Variants in SLC12A8 observed in about 807,000 individuals in gnomAD.
SLC12A8 encodes cation-chloride cotransporter 9.
A neutral mutation model predicts 75.6 loss-of-function variants in SLC12A8; 69 were observed. The ratio of observed to expected loss-of-function variants is 0.91; its 90% CI spans 0.75 to 1.11. SLC12A8 has a LOEUF of 1.11. Among genes scored for constraint, SLC12A8 ranks in the 50% most tolerant of loss-of-function variants. The pLI is 0.00. For missense variants in SLC12A8, 877 were observed against 896.7 expected (o/e 0.98, Z 0.28); for synonymous variants, 365 against 372.8 (o/e 0.98, Z 0.24).
At chr3:125,161,800 T>C (rs962436608) in intron 5 of SLC12A8, among the ~76,000 whole-genome samples, 7 of 152,134 alleles carry the variant, frequency 4.6e-5, no homozygotes, top group African/African-American at 1.7e-4. Flanking sequence ...GGGAAAGACA[T>C]GCACTCTGAT....
intron 10 of SLC12A8, among the ~76,000 whole-genome samples, chr3:125,105,751 A>T (rs897783159): frequency 2.6e-5 from 4 of 152,180 alleles, no homozygotes; most frequent in African/African-American, 9.7e-5. Context: ...AAATCCAGGC[A>T]GGGTGTGGTG....
chr3:125,207,426 C>T (rs557005422), intron 2 of SLC12A8, among the ~76,000 whole-genome samples: 1 of 152,156 alleles, frequency 6.6e-6, no homozygotes, highest in Non-Finnish European at 1.5e-5. Flanking sequence ...AAGACAAAAG[C>T]CTCAGGCTAG....
At chr3:125,158,129 T>G (rs1934089625) in intron 5 of SLC12A8, among the ~76,000 whole-genome samples, 2 of 152,224 alleles carry the variant, frequency 1.3e-5, no homozygotes, top group African/African-American at 4.8e-5. Flanking sequence ...TAAATACATT[T>G]TCTTGTTTCA....
chr3:125,145,132 G>A (rs1579503822), intron 5 of SLC12A8, among the ~76,000 whole-genome samples: 1 of 152,338 alleles, frequency 6.6e-6, no homozygotes, highest in East Asian at 1.9e-4. Context: ...TGAGGCCTGA[G>A]AAAGGAGATG....
chr3:125,099,509 G>C (rs1313646281), intron 10 of SLC12A8, among the ~76,000 whole-genome samples: 1 of 152,090 alleles, frequency 6.6e-6, no homozygotes, highest in South Asian at 2.1e-4. Flanking sequence ...GTATTTAGCA[G>C]ACAAAGACTT....
At chr3:125,191,658 G>C (rs1261388061) in intron 2 of SLC12A8, among the ~76,000 whole-genome samples, 1 of 152,224 alleles carries the variant, frequency 6.6e-6, no homozygotes, top group Non-Finnish European at 1.5e-5. Context: ...GAATGGCTGA[G>C]AACAATGGGT....
At chr3:125,141,899 C>T (rs1217450399) in intron 5 of SLC12A8, among the ~76,000 whole-genome samples, 1 of 151,858 alleles carries the variant, frequency 6.6e-6, no homozygotes, top group Non-Finnish European at 1.5e-5. Context: ...GCAGGAAGAG[C>T]GGCTCTGCGA....
intron 5 of SLC12A8, among the ~76,000 whole-genome samples, chr3:125,169,308 C>G (rs774259172): frequency 1.3e-5 from 2 of 152,154 alleles, no homozygotes; most frequent in Non-Finnish European, 2.9e-5. Context: ...TGAAGAAGCT[C>G]TGTGTCTTCA....
intron 6 of SLC12A8, among the ~76,000 whole-genome samples, chr3:125,133,622 C>T (rs1192979997): frequency 6.6e-6 from 1 of 152,152 alleles, no homozygotes; most frequent in Admixed American, 6.6e-5. Context: ...GATGGGGTTT[C>T]ACCATGTTGG....
intron 2 of SLC12A8, 59 bp downstream of exon 2, chr3:125,211,240 T>C: frequency 7.2e-7 from 1 of 1,397,072 alleles, no homozygotes; most frequent in Admixed American, 1.7e-5. Context: ...CAGCCCACTG[T>C]CTGGGGATCC....
chr3:125,194,605 C>A (rs1272959581), intron 2 of SLC12A8, among the ~76,000 whole-genome samples: 3 of 152,180 alleles, frequency 2.0e-5, no homozygotes, highest in Admixed American at 6.5e-5. Flanking sequence ...CAAACAGTCA[C>A]CAGCTAAGTC....
intron 5 of SLC12A8, among the ~76,000 whole-genome samples, chr3:125,140,756 A>G (rs56186931): frequency 0.069 from 10,408 of 149,878 alleles, 940 homozygotes; most frequent in African/African-American, 0.21. Context: ...GTCTCGCTCT[A>G]TCACCGAGGC....
At chr3:125,140,639 C>T (rs543209105) in intron 5 of SLC12A8, among the ~76,000 whole-genome samples, 1 of 152,296 alleles carries the variant, frequency 6.6e-6, no homozygotes, top group South Asian at 2.1e-4. Flanking sequence ...GAATTCAGGC[C>T]TCCATCTACC....
chr3:125,166,126 C>G (rs1440745029), intron 5 of SLC12A8, among the ~76,000 whole-genome samples: 1 of 152,160 alleles, frequency 6.6e-6, no homozygotes, highest in Non-Finnish European at 1.5e-5. Context: ...CTGCGGGGCG[C>G]TTTACCCCAG....
intron 5 of SLC12A8, among the ~76,000 whole-genome samples, chr3:125,138,345 G>A (rs1211305002): frequency 1.3e-5 from 2 of 152,118 alleles, no homozygotes; most frequent in Non-Finnish European, 2.9e-5. Flanking sequence ...AGGTTGCAGT[G>A]AGCCAAGATT....
intron 3 of SLC12A8, 28 bp from the exon 4 acceptor site, chr3:125,187,456 T>C: frequency 6.2e-7 from 1 of 1,607,168 alleles, no homozygotes. Context: ...GGAGCAAGGT[T>C]GGATTAGGTG....
intron 5 of SLC12A8, among the ~76,000 whole-genome samples, chr3:125,166,845 C>T (rs1934301482): frequency 6.6e-6 from 1 of 152,190 alleles, no homozygotes; most frequent in Non-Finnish European, 1.5e-5. Context: ...CGGTATGATA[C>T]AATGTATATA....
intron 12 of SLC12A8, among the ~76,000 whole-genome samples, chr3:125,090,812 A>G (rs1414561978): frequency 6.6e-6 from 1 of 152,114 alleles, no homozygotes; most frequent in African/African-American, 2.4e-5. Context: ...GTGTCTTTAC[A>G]TATAAAGAAG....
At chr3:125,185,301 CAA>C (rs1293794560) in intron 4 of SLC12A8, among the ~76,000 whole-genome samples, 2 of 148,138 alleles carry the variant, frequency 1.4e-5, no homozygotes, top group Non-Finnish European at 3.0e-5. Flanking sequence ...GCCTGGGAAA[CAA>C]GAGCAAAACG....
Sources: gnomAD v4.1 joint callset for allele counts (sites outside exome capture counted in the v4.1 genomes callset) on GRCh38, gnomAD v4.1.1 for gene constraint, MANE v1.5 for transcripts, NCBI Gene and HGNC (gene_info 2026-07-23, HGNC 2026-07-21) for gene names.